GPRC5C: variants seen among roughly 807,000 people sequenced by gnomAD.
GPRC5C encodes G protein-coupled receptor class C group 5 member C.
A neutral mutation model predicts 31.4 loss-of-function variants in GPRC5C; 22 were observed. The observed-to-expected ratio is 0.70, with a 90% CI of 0.50 to 1.00. The LOEUF (loss-of-function observed/expected upper bound fraction) is 1.00, where lower values mean the gene tolerates loss of function less well. Ranked by LOEUF, GPRC5C falls within the 50% of genes least tolerant of loss-of-function variation. The pLI, the probability that GPRC5C is intolerant of heterozygous loss-of-function variation, is 0.00. For synonymous variants in GPRC5C, 249 were observed against 257.5 expected (o/e 0.97, Z 0.32); for missense variants, 557 against 597.2 (o/e 0.93, Z 0.70).
chr17:74,441,219 G>A (rs1423304585), intron 2 of GPRC5C, among the ~76,000 whole-genome samples: 3 of 152,108 alleles, frequency 2.0e-5, no homozygotes, highest in Non-Finnish European at 4.4e-5. Flanking sequence ...GGAGGTTGCA[G>A]TGAGCCAAAA....
chr17:74,451,357 C>T (rs1259238861), downstream of GPRC5C: 1 of 152,232 alleles, frequency 6.6e-6, no homozygotes, highest in Non-Finnish European at 1.5e-5. Context: ...AGATGCAGGC[C>T]TGCCTGTATT....
At chr17:74,434,717 G>C (rs2055406481) in intron 1 of GPRC5C, among the ~76,000 whole-genome samples, 1 of 152,220 alleles carries the variant, frequency 6.6e-6, no homozygotes, top group South Asian at 2.1e-4. Context: ...TAGGTCAGGA[G>C]TTTGAGACCA....
At position 74,440,532 on chromosome 17, in the gene GPRC5C, C is replaced by T. The variant is rs201003342; in HGVS notation, c.756C>T (p.Ser252=). ...GVFVLLTTAT[S]VAIWVVWIVM... is the part of the protein sequence containing the mutation. ...TTGTGCTCCTCACCACAGCCACCTC[C>T]GTTGCCATATGGGTGGTGTGGATCG... The change falls in exon 2 of 4, where the codon TCC becomes TCT. Residue 252 remains serine, a synonymous_variant. Coordinates refer to ENST00000392627, the MANE Select transcript of GPRC5C (RefSeq NM_022036.4). The surrounding 1 kb of genome is among the most constrained non-coding windows in gnomAD (Gnocchi z 4.4). The T allele has an allele frequency of 1.5e-4, 250 of 1,614,076 alleles. No individual in the cohort carries two copies. The highest frequency in any genetic ancestry group is 1.8e-4 in the Non-Finnish European group (213 of 1,180,032).
chr17:74,448,422 G>C (rs547979982), downstream of GPRC5C, among the ~76,000 whole-genome samples: 76 of 152,192 alleles, frequency 5.0e-4, no homozygotes, highest in African/African-American at 1.8e-3. Context: ...CTGTTGCCCA[G>C]GCTAGGGTGC....
Position 74,440,828 on chromosome 17 carries a change from G to A in GPRC5C, c.1051+1G>A. The A allele has an allele frequency of 6.8e-7, 1 of 1,479,302 alleles. No individual in the cohort carries two copies. The highest frequency in any genetic ancestry group is 9.0e-7 in the Non-Finnish European group (1 of 1,109,652). The allele number at this position is 1,479,302 out of a possible 1,614,324, so 91.6% of individuals were successfully genotyped here. A position where few individuals can be genotyped will look rare whatever the true frequency, so the allele number is the denominator to read the frequency against. The stretch of plus-strand genomic sequence containing the variant: ...TTTTCCATGGATGAGCCGGTTGCAG[G>A]TGGGTCTCTGTGGATGCCCCCAGTG... On this transcript the variant is annotated splice_donor_variant, in intron 2 of 3. Coordinates refer to ENST00000392627, the MANE Select transcript of GPRC5C (RefSeq NM_022036.4). LOFTEE classifies it high-confidence loss of function. This position sits in a 1 kb window ranked among gnomAD's most constrained non-coding sequence, Gnocchi z 4.4.
downstream of GPRC5C, among the ~76,000 whole-genome samples, chr17:74,448,515 T>C (rs1468940489): frequency 6.6e-6 from 1 of 152,122 alleles, no homozygotes; most frequent in Non-Finnish European, 1.5e-5. Flanking sequence ...GTAGCTGGGA[T>C]TATAGACATG....
At chr17:74,444,903 C>G (rs1303662463) in intron 3 of GPRC5C, among the ~76,000 whole-genome samples, 2 of 152,186 alleles carry the variant, frequency 1.3e-5, no homozygotes, top group Non-Finnish European at 2.9e-5. Flanking sequence ...GACCGGTTCT[C>G]AAAACATGGT....
chr17:74,444,225 C>T (rs1292531287), intron 3 of GPRC5C, among the ~76,000 whole-genome samples: 1 of 152,154 alleles, frequency 6.6e-6, no homozygotes, highest in Non-Finnish European at 1.5e-5. Context: ...GTGGGAGCTG[C>T]CAGCTTTACC....
At chr17:74,448,588 A>T (rs941723962), downstream of GPRC5C, among the ~76,000 whole-genome samples, 3 of 152,130 alleles carry the variant, frequency 2.0e-5, no homozygotes, top group African/African-American at 4.8e-5. Flanking sequence ...CATGTTGCCC[A>T]GACTGGTCTT....
intron 1 of GPRC5C, among the ~76,000 whole-genome samples, chr17:74,436,353 C>T (rs1038405692): frequency 6.6e-6 from 1 of 152,150 alleles, no homozygotes; most frequent in Non-Finnish European, 1.5e-5. Context: ...TTGGGTGTCC[C>T]TGTCTCTTGG....
chr17:74,444,363 C>T (rs2055593227), intron 3 of GPRC5C, among the ~76,000 whole-genome samples: 1 of 152,210 alleles, frequency 6.6e-6, no homozygotes, highest in Non-Finnish European at 1.5e-5. Context: ...GGGGCCCACA[C>T]TCTCCTCCCT....
At chr17:74,448,096 C>T (rs1283806978), downstream of GPRC5C, among the ~76,000 whole-genome samples, 2 of 152,070 alleles carry the variant, frequency 1.3e-5, no homozygotes, top group African/African-American at 2.4e-5. Flanking sequence ...ATTGCTTGAG[C>T]CCAGGAGTTC....
At chr17:74,432,348 C>T (rs1206899131) in intron 1 of GPRC5C, 1 of 1,415,328 alleles carries the variant, frequency 7.1e-7, no homozygotes, top group African/African-American at 1.5e-5. Context: ...CCTGGCTCAG[C>T]CTCGGTCCCA....
At position 74,440,682 on chromosome 17, in the gene GPRC5C, G is replaced by A. The variant is rs545040434; in HGVS notation, c.906G>A (p.Gln302=). 3.0e-5 allele frequency: 48 copies of A among 1,608,842 alleles called. No individual in the cohort carries two copies. In the East Asian group the frequency reaches 9.2e-4, roughly 31 times the overall value. Residue 302 remains glutamine (Q), a synonymous_variant, in exon 2 of 4, where the codon CAG becomes CAA. Coordinates refer to ENST00000392627, the MANE Select transcript of GPRC5C (RefSeq NM_022036.4). This position sits in a 1 kb window ranked among gnomAD's most constrained non-coding sequence, Gnocchi z 4.4. The stretch of plus-strand genomic sequence containing the variant: ...TCTACGTCATCCCCGAGGTCTCCCA[G>A]GTGACCAAGTCCAGCCCAGAGCAAA... The part of the protein sequence containing the change: ...VLFYVIPEVS[Q]VTKSSPEQSY...
intron 2 of GPRC5C, chr17:74,443,026 G>A (rs959823377): frequency 3.3e-5 from 5 of 152,276 alleles, no homozygotes; most frequent in Non-Finnish European, 1.5e-5. Context: ...CAGCACTTAG[G>A]AAACTCTATA....
intron 2 of GPRC5C, 88 bp from the exon 3 acceptor site, chr17:74,443,730 C>T: frequency 9.8e-7 from 1 of 1,023,146 alleles, no homozygotes; most frequent in Non-Finnish European, 1.6e-6. Context: ...TCTTCCCTGC[C>T]CCCAGAGAGC....
chr17:74,432,207 G>A (rs777571594), intron 1 of GPRC5C, 66 bp downstream of exon 1: 91 of 1,560,330 alleles, frequency 5.8e-5, no homozygotes, highest in Non-Finnish European at 7.0e-5. Flanking sequence ...CGTACCTGGA[G>A]CGCGGCGGGC....
chr17:74,441,307 T>C (rs1259181457), intron 2 of GPRC5C, among the ~76,000 whole-genome samples: 1 of 152,148 alleles, frequency 6.6e-6, no homozygotes, highest in Non-Finnish European at 1.5e-5. Context: ...ATTTTTTTTC[T>C]ATATTCATAT....
chr17:74,432,192 G>A (rs755840106), intron 1 of GPRC5C, 51 bp downstream of exon 1: 17 of 1,579,190 alleles, frequency 1.1e-5, no homozygotes, highest in Non-Finnish European at 1.5e-5. Flanking sequence ...TGTAAACGGA[G>A]CGCACGTACC....
Sources: allele counts gnomAD v4.1 joint callset (sites outside exome capture counted in the v4.1 genomes callset), GRCh38; gene constraint gnomAD v4.1.1; non-coding constraint Gnocchi (gnomAD v3.1); transcripts MANE v1.5; gene names NCBI Gene and HGNC (gene_info 2026-07-23, HGNC 2026-07-21).